WDPCP: variants seen among roughly 807,000 people sequenced by gnomAD.
WDPCP encodes the protein WD repeat containing planar cell polarity effector.
In WDPCP, 71 loss-of-function variants were observed where a neutral mutation model predicts 93.1. The ratio of observed to expected loss-of-function variants is 0.76; its 90% CI spans 0.63 to 0.93. The LOEUF (loss-of-function observed/expected upper bound fraction) is 0.93. Ranked by LOEUF, WDPCP falls within the 40% of genes least tolerant of loss-of-function variation. WDPCP has a pLI of 0.00. For missense variants in WDPCP, 844 were observed against 887.4 expected (o/e 0.95, Z 0.62); for synonymous variants, 315 against 315.0 (o/e 1.00, Z 0.00).
intron 2 of WDPCP, among the ~76,000 whole-genome samples, chr2:63,760,536 C>T (rs967470411): frequency 4.0e-5 from 6 of 151,828 alleles, no homozygotes; most frequent in Admixed American, 3.9e-4. Context: ...TATTAAAACT[C>T]GGTATATTTA....
chr2:63,628,186 TA>T (rs1360023068), intron 3 of WDPCP, among the ~76,000 whole-genome samples: 1 of 152,206 alleles, frequency 6.6e-6, no homozygotes, highest in Non-Finnish European at 1.5e-5. Context: ...TCAGTAATGT[TA>T]TATATAGTCT....
chr2:63,836,416 C>T, the WDPCP span, among the ~76,000 whole-genome samples: 2 of 152,166 alleles, frequency 1.3e-5, no homozygotes, highest in African/African-American at 4.8e-5. Context: ...TTTTCTCTTT[C>T]ACAACTCTTC....
intron 2 of WDPCP, among the ~76,000 whole-genome samples, chr2:63,692,045 C>G (rs1036603750): frequency 2.0e-5 from 3 of 152,208 alleles, no homozygotes; most frequent in African/African-American, 7.2e-5. Context: ...ACAAGTTACT[C>G]TCAATAATTA....
At chr2:63,729,684 C>T (rs1444677487) in intron 2 of WDPCP, among the ~76,000 whole-genome samples, 1 of 152,106 alleles carries the variant, frequency 6.6e-6, no homozygotes, top group Non-Finnish European at 1.5e-5. Flanking sequence ...TCTTATTTAA[C>T]ATGTGGAATA....
chr2:63,595,345 A>G (rs913928909), intron 3 of WDPCP: 1 of 904,840 alleles, frequency 1.1e-6, no homozygotes, highest in African/African-American at 1.6e-5. Flanking sequence ...CATACCAAAT[A>G]AAAACTATGT....
intron 10 of WDPCP, among the ~76,000 whole-genome samples, chr2:63,396,669 A>G (rs1277690402): frequency 4.0e-5 from 6 of 151,506 alleles, no homozygotes; most frequent in African/African-American, 1.5e-4. Context: ...TTTTTTTTTA[A>G]CTTTTATTTT....
At chr2:63,231,444 C>T (rs898370017) in intron 14 of WDPCP, among the ~76,000 whole-genome samples, 1 of 152,052 alleles carries the variant, frequency 6.6e-6, no homozygotes, top group Non-Finnish European at 1.5e-5. Context: ...TCATCTCAGC[C>T]CAAAATCTCC....
chr2:63,498,611 A>C (rs1701365983), intron 1 of WDPCP, among the ~76,000 whole-genome samples: 1 of 152,246 alleles, frequency 6.6e-6, no homozygotes, highest in Admixed American at 6.5e-5. Flanking sequence ...TTTGAAAAAT[A>C]AATGTTTTAG....
intron 6 of WDPCP, among the ~76,000 whole-genome samples, chr2:63,449,974 A>G (rs1357236982): frequency 6.6e-6 from 1 of 152,162 alleles, no homozygotes; most frequent in Non-Finnish European, 1.5e-5. Flanking sequence ...GCCTACAGAG[A>G]GTACTAATCC....
At chr2:63,760,575 T>A (rs183560591) in intron 2 of WDPCP, among the ~76,000 whole-genome samples, 56 of 152,188 alleles carry the variant, frequency 3.7e-4, no homozygotes, top group African/African-American at 1.3e-3. Context: ...TCAACTTAAA[T>A]CTCATTTTCC....
rs189463685 is a variant in WDPCP at position 63,284,687 on chromosome 2, G to A, written c.1813-25278C>T. On this transcript the variant is annotated intron_variant, in intron 13 of 17. Transcript: ENST00000272321. ...ATAAAGTATGAATATGTTAGACAAA[G>A]GGATGATTTTTATCCTGGGCAGGAT... Among the ~76,000 whole-genome samples, 37 of 152,310 alleles carry A rather than the reference G, an allele frequency of 2.4e-4. No individual in the cohort carries two copies. The East Asian group carries it at 4.6e-3, about 19-fold the overall frequency.
chr2:63,121,989 T>C lies in WDPCP; in HGVS notation c.*17A>G. 6.2e-7 allele frequency: 1 copy of C among 1,613,068 alleles called. No homozygotes were observed. The highest frequency in any genetic ancestry group is 8.5e-7 in the Non-Finnish European group (1 of 1,179,652). Reference sequence around the variant, plus strand: ...AGTTTAGATATGAAGAAGGCAGTTTTCTTTTTTTCTTAATGTTTACACCAG... The same window carrying C: ...AGTTTAGATATGAAGAAGGCAGTTTCCTTTTTTTCTTAATGTTTACACCAG... On this transcript the variant is annotated 3_prime_UTR_variant, in exon 18 of 18. Coordinates refer to ENST00000272321, the MANE Select transcript of WDPCP (RefSeq NM_015910.7).
At chr2:63,562,735 G>C (rs2106421840) in intron 1 of WDPCP, among the ~76,000 whole-genome samples, 1 of 152,222 alleles carries the variant, frequency 6.6e-6, no homozygotes, top group East Asian at 1.9e-4. Flanking sequence ...GTATGTACTT[G>C]TGAATTTCAA....
intron 14 of WDPCP, among the ~76,000 whole-genome samples, chr2:63,253,797 A>C (rs1680925672): frequency 6.6e-6 from 1 of 152,208 alleles, no homozygotes; most frequent in Admixed American, 6.5e-5. Context: ...GGGAATGTAA[A>C]TTAATTCAGC....
intron 14 of WDPCP, among the ~76,000 whole-genome samples, chr2:63,198,342 G>A (rs985487431): frequency 6.6e-6 from 1 of 152,002 alleles, no homozygotes; most frequent in South Asian, 2.1e-4. Flanking sequence ...TGTCTATGGG[G>A]CTAGGTTCTT....
Position 63,439,797 on chromosome 2 carries a change from T to C in WDPCP, c.459A>G (p.Arg153=). The part of the protein sequence containing the change: ...GPQLEKVVID[R]SLVGKLISDT... ...CTGAGATGAGCTTCCCCACCAGGCTTCTGTCAATCACCACTTTCTCCAGCT... is the reference window on the plus strand; with the variant it reads ...CTGAGATGAGCTTCCCCACCAGGCTCCTGTCAATCACCACTTTCTCCAGCT... The change falls in exon 7 of 18, where the codon AGA becomes AGG. Residue 153 remains arginine, a synonymous_variant. Coordinates refer to ENST00000272321, the MANE Select transcript of WDPCP (RefSeq NM_015910.7). The C allele has an allele frequency of 6.2e-7, 1 of 1,613,284 alleles. No individual in the cohort carries two copies. Among genetic ancestry groups the C allele is most frequent in the Non-Finnish European group, 8.5e-7 (1 of 1,179,406 alleles).
At chr2:63,739,205 G>T (rs1376577727) in intron 2 of WDPCP, among the ~76,000 whole-genome samples, 1 of 152,006 alleles carries the variant, frequency 6.6e-6, no homozygotes, top group Non-Finnish European at 1.5e-5. Context: ...AGACCCCAGT[G>T]TCTGTTGTTT....
chr2:63,249,170 C>T (rs186664064), intron 14 of WDPCP, among the ~76,000 whole-genome samples: 1 of 152,128 alleles, frequency 6.6e-6, no homozygotes, highest in East Asian at 1.9e-4. Flanking sequence ...AGCTGTGTGC[C>T]GGGACAGTCC....
intron 3 of WDPCP, chr2:63,595,444 G>T: frequency 6.2e-7 from 1 of 1,611,660 alleles, no homozygotes; most frequent in Non-Finnish European, 8.5e-7. Flanking sequence ...TGTGCTGTTG[G>T]ATATCACCCC....
Sources: gnomAD v4.1 joint callset for allele counts (sites outside exome capture counted in the v4.1 genomes callset) on GRCh38, gnomAD v4.1.1 for gene constraint, MANE v1.5 for transcripts, NCBI Gene and HGNC (gene_info 2026-07-23, HGNC 2026-07-21) for gene names.